ADGRF5: variants seen among roughly 807,000 people sequenced by gnomAD.
The protein encoded by ADGRF5 is G-protein coupled receptor 116.
A neutral mutation model predicts 132.3 loss-of-function variants in ADGRF5; 75 were observed. That is an observed-to-expected ratio of 0.57 (90% CI 0.47 to 0.69). ADGRF5 has a LOEUF of 0.69. ADGRF5 is among the 30% of genes least tolerant of loss of function. The pLI is 0.00. For missense variants in ADGRF5, 1,516 were observed against 1,630.6 expected (o/e 0.93, Z 1.21); for synonymous variants, 629 against 597.6 (o/e 1.05, Z -0.77).
intron 9 of ADGRF5, 108 bp downstream of exon 9, chr6:46,879,709 TG>T (rs1377283409): frequency 5.2e-6 from 4 of 769,274 alleles, no homozygotes; most frequent in Non-Finnish European, 8.9e-6. Flanking sequence ...AGACTTATTT[TG>T]GAAGAGAAAA....
chr6:46,910,393 T>C (rs1262765316), intron 1 of ADGRF5, among the ~76,000 whole-genome samples: 1 of 152,164 alleles, frequency 6.6e-6, no homozygotes, highest in Non-Finnish European at 1.5e-5. Flanking sequence ...TTAATTATAA[T>C]TGGTGGGTAA....
rs1769469575 is a variant in ADGRF5, at chr6:46,859,430, G to A, written c.2473C>T (p.Leu825=). 4 of 1,612,680 alleles carry A rather than the reference G, an allele frequency of 2.5e-6. No individual in the cohort carries two copies. The highest frequency in any genetic ancestry group is 3.3e-5 in the Admixed American group (2 of 60,004). Residue 825 remains leucine, a synonymous_variant, in exon 17 of 21, where the codon CTA becomes TTA. Transcript: ENST00000283296. ...QQQWTNQSSQ[L]LHSVERFSQA... ...GAAAATCTTTCCACTGAATGTAGTA[G>A]CTGTGAACTCTGATTGGTCCATTGC...
At chr6:46,918,264 G>A (rs574105049) in intron 1 of ADGRF5, among the ~76,000 whole-genome samples, 114 of 152,260 alleles carry the variant, frequency 7.5e-4, no homozygotes, top group African/African-American at 2.5e-3. Flanking sequence ...GCAGAAACTC[G>A]TAGGTCCTGG....
rs2150766453 is a variant in ADGRF5, at chr6:46,853,124, A to C, written c.*868T>G. On this transcript the variant is annotated 3_prime_UTR_variant, in exon 21 of 21. Coordinates refer to ENST00000283296, the MANE Select transcript of ADGRF5 (RefSeq NM_001098518.2). Reference sequence around the variant, plus strand: ...TATAAGGCTTTTCTGATAAACTATAAAAATTTAATCAGCACTTGGATCTAA... The same window carrying C: ...TATAAGGCTTTTCTGATAAACTATACAAATTTAATCAGCACTTGGATCTAA... The C allele has an allele frequency of 6.5e-6, 1 of 152,702 alleles. No homozygotes were observed. The highest frequency in any genetic ancestry group is 2.1e-4 in the South Asian group (1 of 4,818). 9.5% of individuals were successfully genotyped at this position (152,702 alleles called of 1,614,324 possible). A position where few individuals can be genotyped will look rare whatever the true frequency, so the allele number is the denominator to read the frequency against.
intron 10 of ADGRF5, among the ~76,000 whole-genome samples, chr6:46,877,135 C>T (rs113256261): frequency 2.0e-5 from 3 of 152,380 alleles, no homozygotes; most frequent in African/African-American, 7.2e-5. Context: ...CATTCCAGTG[C>T]TGGCCCACCA....
At chr6:46,929,163 T>TA (rs1427411506) in intron 1 of ADGRF5, among the ~76,000 whole-genome samples, 1 of 151,910 alleles carries the variant, frequency 6.6e-6, no homozygotes, top group Non-Finnish European at 1.5e-5. Context: ...TATGCAGCCA[T>TA]AAAAAAGGAT....
intron 1 of ADGRF5, 26 bp from the exon 2 acceptor site, chr6:46,906,812 A>G (rs747363830): frequency 2.2e-6 from 2 of 910,468 alleles, no homozygotes; most frequent in Non-Finnish European, 1.8e-6. Context: ...GATGGTTTAG[A>G]TATACAGCAA....
chr6:46,926,441 T>A (rs975470184), upstream of ADGRF5, among the ~76,000 whole-genome samples: 1 of 150,962 alleles, frequency 6.6e-6, no homozygotes, highest in Non-Finnish European at 1.5e-5. Flanking sequence ...CACTACCCCC[T>A]CTGCCATCTC....
At chr6:46,872,876 G>A (rs574039446) in intron 10 of ADGRF5, among the ~76,000 whole-genome samples, 102 of 152,274 alleles carry the variant, frequency 6.7e-4, no homozygotes, top group Middle Eastern at 3.4e-3. Flanking sequence ...TAGTTCCAAC[G>A]TAAATGTGTC....
intron 1 of ADGRF5, among the ~76,000 whole-genome samples, chr6:46,914,017 A>G (rs1354543254): frequency 6.6e-6 from 1 of 152,220 alleles, no homozygotes; most frequent in Non-Finnish European, 1.5e-5. Flanking sequence ...TTGCAAACAT[A>G]TACTTATCAA....
intron 1 of ADGRF5, among the ~76,000 whole-genome samples, chr6:46,939,411 T>C (rs1777972370): frequency 6.6e-6 from 1 of 152,146 alleles, no homozygotes; most frequent in Admixed American, 6.5e-5. Flanking sequence ...TAGAGACTTG[T>C]GAAGACACAC....
At chr6:46,928,342 G>T (rs1777360180) in intron 1 of ADGRF5, among the ~76,000 whole-genome samples, 1 of 151,824 alleles carries the variant, frequency 6.6e-6, no homozygotes, top group Admixed American at 6.6e-5. Context: ...CCCCTTTTTT[G>T]AATTTCACCA....
chr6:46,950,293 C>A (rs187833512), intron 1 of ADGRF5, among the ~76,000 whole-genome samples: 1 of 152,142 alleles, frequency 6.6e-6, no homozygotes, highest in African/African-American at 2.4e-5. Context: ...GAGCTGAAAT[C>A]TGTTGCGCTA....
At chr6:46,902,813 T>C (rs1218470093) in intron 2 of ADGRF5, among the ~76,000 whole-genome samples, 1 of 152,196 alleles carries the variant, frequency 6.6e-6, no homozygotes, top group Non-Finnish European at 1.5e-5. Flanking sequence ...TTGATGGCAA[T>C]GAAGCCTCTG....
intron 1 of ADGRF5, among the ~76,000 whole-genome samples, chr6:46,936,160 T>C (rs905701457): frequency 1.3e-5 from 2 of 152,204 alleles, no homozygotes; most frequent in Non-Finnish European, 2.9e-5. Context: ...ACCCCCATTT[T>C]ACAGATGAGG....
intron 3 of ADGRF5, among the ~76,000 whole-genome samples, chr6:46,893,493 G>A (rs564083517): frequency 2.6e-5 from 4 of 151,988 alleles, no homozygotes; most frequent in African/African-American, 7.2e-5. Flanking sequence ...CCCTCAGAAG[G>A]CCCAGAGTTT....
At chr6:46,873,226 C>T (rs1771284954) in intron 10 of ADGRF5, among the ~76,000 whole-genome samples, 1 of 152,096 alleles carries the variant, frequency 6.6e-6, no homozygotes, top group African/African-American at 2.4e-5. Flanking sequence ...AATGGTCTTT[C>T]CCCAGTCTGA....
Position 46,880,035 on chromosome 6 carries a change from T to G in ADGRF5, c.819A>C (p.Glu273Asp), listed in dbSNP as rs759373548. ...TTTCTGGTGTGACAAAGAAATTGCT[T>G]TCATCTGGAAACCCAAAGAAAAGTT... ...YNSFQAVTIN[E>D]SNFFVTPEII... Residue 273 changes from glutamate to aspartate, a missense_variant, in exon 9 of 21, where the codon GAA becomes GAC. Glu to Asp is a conservative substitution (Grantham distance 45). Around this residue, in one of 2 missense-constraint regions of ADGRF5, gnomAD observed 945 missense variants for 929.4 expected, o/e 1.02. Coordinates refer to ENST00000283296, the MANE Select transcript of ADGRF5 (RefSeq NM_001098518.2). 1 of 1,612,596 alleles carries G rather than the reference T, an allele frequency of 6.2e-7. No individual in the cohort carries two copies. Among genetic ancestry groups the G allele is most frequent in the Non-Finnish European group, 8.5e-7 (1 of 1,178,590 alleles).
rs947346219 is a variant in ADGRF5 at position 46,853,887 on chromosome 6, C to A, written c.*105G>T. The A allele has an allele frequency of 1.3e-5, 10 of 756,310 alleles. No individual in the cohort carries two copies. Among genetic ancestry groups the A allele is most frequent in the Non-Finnish European group, 2.2e-5 (10 of 451,366 alleles). 46.8% of individuals were successfully genotyped at this position (756,310 alleles called of 1,614,324 possible). On this transcript the variant is annotated 3_prime_UTR_variant, in exon 21 of 21. Coordinates refer to ENST00000283296, the MANE Select transcript of ADGRF5 (RefSeq NM_001098518.2). ...AAAAAGTCTTTTTGGCATCTGCTCC[C>A]GGAAACCTGCCCCGAGAACACGTTC...
Sources: gnomAD v4.1 joint callset for allele counts (sites outside exome capture counted in the v4.1 genomes callset) on GRCh38, gnomAD v4.1.1 for gene constraint, gnomAD v4.1.1 regional missense constraint, MANE v1.5 for transcripts, NCBI Gene and HGNC (gene_info 2026-07-23, HGNC 2026-07-21) for gene names.